LYPD6: variants seen among roughly 807,000 people sequenced by gnomAD.
LYPD6 encodes ly6/PLAUR domain-containing protein 6.
Under a neutral mutation model 22.7 loss-of-function variants are expected in LYPD6, and 15 were observed. The ratio of observed to expected loss-of-function variants is 0.66; its 90% confidence interval spans 0.44 to 1.02. The LOEUF (loss-of-function observed/expected upper bound fraction) is 1.02. LYPD6 is among the 50% of genes least tolerant of loss of function. The probability of loss-of-function intolerance (pLI) is 0.00; values close to 1 mark genes in which losing one functional copy is unlikely to be tolerated. For synonymous variants in LYPD6, 72 were observed against 77.5 expected (o/e 0.93, Z 0.37); for missense variants, 189 against 208.4 (o/e 0.91, Z 0.57).
chr2:149,398,413 TTGTG>T (rs10584410), intron 1 of LYPD6, among the ~76,000 whole-genome samples: 91,080 of 147,572 alleles, frequency 0.62, 28,891 homozygotes, highest in East Asian at 0.82. Flanking sequence ...AAAGATGGCT[TTGTG>T]TGTGTGTGTG....
At chr2:149,415,474 A>G (rs114419846) in intron 1 of LYPD6, among the ~76,000 whole-genome samples, 3,381 of 152,212 alleles carry the variant, frequency 0.022, 105 homozygotes, top group African/African-American at 0.078. Context: ...GGCACATTAG[A>G]AAGGACTGAA....
chr2:149,385,679 T>C lies in LYPD6; in HGVS notation c.-71-51959T>C, dbSNP rs117153551. Among the ~76,000 whole-genome samples, 64 of 152,234 alleles carry C rather than the reference T, an allele frequency of 4.2e-4. No individual in the cohort carries two copies. The East Asian group carries it at 0.012, about 28-fold the overall frequency. Reference sequence around the variant, plus strand: ...ACAAACAGAGTAATTAAGCCTCGTTTGTTTGTGCTCATTCTGGAACAGAAC... The same window carrying C: ...ACAAACAGAGTAATTAAGCCTCGTTCGTTTGTGCTCATTCTGGAACAGAAC... On this transcript the variant is annotated intron_variant, in intron 1 of 4. Coordinates refer to ENST00000334166, the MANE Select transcript of LYPD6 (RefSeq NM_194317.5).
intron 1 of LYPD6, among the ~76,000 whole-genome samples, chr2:149,355,654 T>C (rs1681435435): frequency 6.6e-6 from 1 of 152,174 alleles, no homozygotes; most frequent in Non-Finnish European, 1.5e-5. Flanking sequence ...GACAAGGGAC[T>C]TGTGTATACT....
At chr2:149,358,457 A>G (rs1320330251) in intron 1 of LYPD6, among the ~76,000 whole-genome samples, 4 of 152,216 alleles carry the variant, frequency 2.6e-5, no homozygotes, top group Non-Finnish European at 1.5e-5. Flanking sequence ...GAAGTAAGCC[A>G]CTTATGCTAA....
chr2:149,409,904 C>G (rs1485582349), intron 1 of LYPD6, among the ~76,000 whole-genome samples: 1 of 152,106 alleles, frequency 6.6e-6, no homozygotes, highest in Non-Finnish European at 1.5e-5. Flanking sequence ...TCTTAGGGGG[C>G]CTGCAGCAGT....
At chr2:149,460,892 A>C (rs1681072664) in intron 3 of LYPD6, among the ~76,000 whole-genome samples, 1 of 152,138 alleles carries the variant, frequency 6.6e-6, no homozygotes, top group Non-Finnish European at 1.5e-5. Flanking sequence ...TCCACAGATC[A>C]AAGATAAAGT....
intron 3 of LYPD6, chr2:149,464,250 A>G (rs148910976): frequency 2.5e-4 from 80 of 318,534 alleles, no homozygotes; most frequent in African/African-American, 1.7e-3. Flanking sequence ...GAAGATTAGC[A>G]TTGACCTGGT....
At chr2:149,463,948 A>G (rs1488126162) in intron 3 of LYPD6, among the ~76,000 whole-genome samples, 1 of 152,096 alleles carries the variant, frequency 6.6e-6, no homozygotes, top group East Asian at 1.9e-4. Context: ...GAAGTTCTGT[A>G]TCTTGATTGG....
chr2:149,402,241 T>C (rs1168680198), intron 1 of LYPD6, among the ~76,000 whole-genome samples: 3 of 152,008 alleles, frequency 2.0e-5, no homozygotes, highest in Non-Finnish European at 2.9e-5. Context: ...TGCGTGTGTG[T>C]GTGTGTGTGT....
At chr2:149,451,940 G>C (rs1680834584) in intron 3 of LYPD6, among the ~76,000 whole-genome samples, 1 of 152,162 alleles carries the variant, frequency 6.6e-6, no homozygotes, top group African/African-American at 2.4e-5. Flanking sequence ...AAAGGTAAGT[G>C]CCAAGTGGAA....
intron 1 of LYPD6, among the ~76,000 whole-genome samples, chr2:149,336,588 T>C (rs1354002220): frequency 6.6e-6 from 1 of 152,208 alleles, no homozygotes; most frequent in Non-Finnish European, 1.5e-5. Context: ...TGAATAAGTT[T>C]ATATAAATAA....
intron 1 of LYPD6, among the ~76,000 whole-genome samples, chr2:149,343,010 T>C (rs1481989423): frequency 6.6e-6 from 1 of 152,228 alleles, no homozygotes; most frequent in Non-Finnish European, 1.5e-5. Context: ...TAAAGACATG[T>C]ACTGTCTATA....
chr2:149,386,652 A>C (rs1682191656), intron 1 of LYPD6, among the ~76,000 whole-genome samples: 1 of 152,248 alleles, frequency 6.6e-6, no homozygotes, highest in Non-Finnish European at 1.5e-5. Flanking sequence ...AAGACTATTC[A>C]GAAAATAGAC....
At chr2:149,408,456 C>G (rs1262816554) in intron 1 of LYPD6, among the ~76,000 whole-genome samples, 1 of 152,160 alleles carries the variant, frequency 6.6e-6, no homozygotes, top group Non-Finnish European at 1.5e-5. Context: ...ATCTAGATCT[C>G]TAGCAAGGCT....
At chr2:149,415,589 T>G (rs1386534037) in intron 1 of LYPD6, among the ~76,000 whole-genome samples, 6 of 151,516 alleles carry the variant, frequency 4.0e-5, no homozygotes, top group African/African-American at 1.5e-4. Flanking sequence ...GGTCTCACCC[T>G]TAACGAAGGA....
intron 2 of LYPD6, among the ~76,000 whole-genome samples, chr2:149,445,162 A>G (rs891712753): frequency 6.6e-6 from 1 of 152,166 alleles, no homozygotes; most frequent in East Asian, 1.9e-4. Flanking sequence ...AGTATTTTGA[A>G]AGAAATATTT....
chr2:149,393,249 G>T lies in LYPD6; in HGVS notation c.-71-44389G>T, dbSNP rs540607256. 7.9e-5 allele frequency among the ~76,000 whole-genome samples: 12 copies of T among 152,258 alleles called. No homozygotes were observed. The South Asian group carries it at 1.7e-3, about 21-fold the overall frequency. On this transcript the variant is annotated intron_variant, in intron 1 of 4. Transcript: ENST00000334166. Reference sequence around the variant, plus strand: ...CATCTATAGCTTCTCAGTTTTACACGTAAATAGATGCCATCAGAAGTATTT... The same window carrying T: ...CATCTATAGCTTCTCAGTTTTACACTTAAATAGATGCCATCAGAAGTATTT...
chr2:149,483,741 C>T, the LYPD6 span, among the ~76,000 whole-genome samples: 1 of 152,138 alleles, frequency 6.6e-6, no homozygotes, highest in Non-Finnish European at 1.5e-5. Flanking sequence ...TACATTGCAG[C>T]CCATAAATTA....
intron 4 of LYPD6, among the ~76,000 whole-genome samples, chr2:149,470,289 A>G (rs1681301859): frequency 6.6e-6 from 1 of 151,858 alleles, no homozygotes; most frequent in Admixed American, 6.6e-5. Context: ...CTCTCACTTG[A>G]AAACTTGGCA....
Sources: allele counts gnomAD v4.1 joint callset (sites outside exome capture counted in the v4.1 genomes callset), GRCh38; gene constraint gnomAD v4.1.1; transcripts MANE v1.5; gene names NCBI Gene and HGNC (gene_info 2026-07-23, HGNC 2026-07-21).